ZNF385B: variants seen among roughly 807,000 people sequenced by gnomAD.
ZNF385B encodes the protein zinc finger protein 533.
A neutral mutation model predicts 39.2 loss-of-function variants in ZNF385B; 23 were observed. The ratio of observed to expected loss-of-function variants is 0.59; its 90% CI spans 0.42 to 0.83. ZNF385B has a LOEUF of 0.83. Among genes scored for constraint, ZNF385B ranks in the 40% least tolerant of loss-of-function variants. ZNF385B has a pLI of 0.00. For synonymous variants in ZNF385B, 205 were observed against 222.6 expected (o/e 0.92, Z 0.70); for missense variants, 552 against 598.9 (o/e 0.92, Z 0.82).
chr2:179,443,268 G>A lies in ZNF385B; in HGVS notation c.1443C>T (p.Ile481=). ...HGPIRATPAS[I]LFAPY ...GCAGACGTTAGTACGGAGCAAAGAG[G>A]ATGGAGGCAGGAGTGGCGCGGATGG... The change falls in exon 10 of 10, where the codon ATC becomes ATT. Residue 481 remains isoleucine, a synonymous_variant. Coordinates refer to ENST00000410066, the MANE Select transcript of ZNF385B (RefSeq NM_152520.6). 6.2e-7 allele frequency: 1 copy of A among 1,612,462 alleles called. No homozygotes were observed. The highest frequency in any genetic ancestry group is 1.1e-5 in the South Asian group (1 of 91,012).
At chr2:179,712,050 T>C (rs1161657849) in intron 3 of ZNF385B, among the ~76,000 whole-genome samples, 3 of 152,132 alleles carry the variant, frequency 2.0e-5, no homozygotes, top group African/African-American at 4.8e-5. Flanking sequence ...TTGAAGTCAA[T>C]AGGTTCTGGC....
Position 179,445,644 on chromosome 2 carries a change from A to G in ZNF385B, c.1046T>C (p.Met349Thr). Residue 349 changes from methionine to threonine, a missense_variant, in exon 8 of 10, where the codon ATG (methionine) becomes ACG (threonine). Transcript: ENST00000410066. ...TCCTGACCCCTTACTGCCATTCTGC[A>G]TCTTTAATCTTGATCCAGGTCTAGG... The part of the protein sequence containing the change: ...SYPRPGSRLK[M>T]QNGSKGSGLQ... 6.2e-7 allele frequency: 1 copy of G among 1,614,122 alleles called. No homozygotes were observed. The highest frequency in any genetic ancestry group is 8.5e-7 in the Non-Finnish European group (1 of 1,179,990).
intron 3 of ZNF385B, among the ~76,000 whole-genome samples, chr2:179,654,096 G>A (rs1385785201): frequency 3.3e-5 from 5 of 152,096 alleles, no homozygotes; most frequent in African/African-American, 1.2e-4. Context: ...ATGGATTTAG[G>A]ATCATTCTCC....
intron 3 of ZNF385B, among the ~76,000 whole-genome samples, chr2:179,716,578 C>T (rs899515332): frequency 2.0e-5 from 3 of 152,122 alleles, no homozygotes; most frequent in Non-Finnish European, 4.4e-5. Context: ...TATCTTGTCC[C>T]TTTTATTCCA....
rs115352521 is a variant in ZNF385B, at chr2:179,832,527, G to T, written c.-155+28574C>A. On this transcript the variant is annotated intron_variant, in intron 1 of 9. Coordinates refer to ENST00000410066, the MANE Select transcript of ZNF385B (RefSeq NM_152520.6). The stretch of plus-strand genomic sequence containing the variant: ...AATTATTAGGTTTTAGGAAAGGAAA[G>T]GGCACTATTCTAGGCATCTTGCCTT... 3.0e-3 allele frequency among the ~76,000 whole-genome samples: 458 copies of T among 152,258 alleles called. 1 individual carries two copies. The highest frequency in any genetic ancestry group is 5.2e-3 in the Non-Finnish European group (351 of 68,012).
At chr2:179,652,608 T>C (rs375152150) in intron 3 of ZNF385B, among the ~76,000 whole-genome samples, 15 of 152,190 alleles carry the variant, frequency 9.9e-5, no homozygotes, top group African/African-American at 3.6e-4. Context: ...TGCTAGTCCC[T>C]TGCTCTTGAC....
At chr2:179,690,499 G>T (rs966276071) in intron 3 of ZNF385B, among the ~76,000 whole-genome samples, 3 of 152,152 alleles carry the variant, frequency 2.0e-5, no homozygotes, top group Non-Finnish European at 4.4e-5. Context: ...GTTGGAAAAA[G>T]CCATGTATAA....
intron 3 of ZNF385B, among the ~76,000 whole-genome samples, chr2:179,570,689 T>C (rs927066732): frequency 2.0e-5 from 3 of 152,246 alleles, no homozygotes; most frequent in African/African-American, 4.8e-5. Flanking sequence ...ATCCTCAACA[T>C]ATTCCATTTT....
intron 3 of ZNF385B, among the ~76,000 whole-genome samples, chr2:179,567,317 A>C (rs548829876): frequency 6.6e-6 from 1 of 152,286 alleles, no homozygotes; most frequent in East Asian, 1.9e-4. Context: ...GCAAACCTAG[A>C]AACAAGCTAT....
At chr2:179,676,453 T>A (rs1428557770) in intron 3 of ZNF385B, among the ~76,000 whole-genome samples, 5 of 151,762 alleles carry the variant, frequency 3.3e-5, no homozygotes. Context: ...CTCGATCTCC[T>A]GACCTCGTAA....
intron 3 of ZNF385B, among the ~76,000 whole-genome samples, chr2:179,759,466 T>C (rs562532987): frequency 6.6e-6 from 1 of 152,308 alleles, no homozygotes; most frequent in South Asian, 2.1e-4. Context: ...CAGAAAACCC[T>C]TTTTCCTGTT....
intron 1 of ZNF385B, among the ~76,000 whole-genome samples, chr2:179,812,338 C>T (rs1384340184): frequency 6.6e-6 from 1 of 152,184 alleles, no homozygotes; most frequent in Non-Finnish European, 1.5e-5. Context: ...CACTGATGTA[C>T]TCACATGTTC....
intron 1 of ZNF385B, among the ~76,000 whole-genome samples, chr2:179,792,306 G>A (rs1376557847): frequency 6.6e-6 from 1 of 151,196 alleles, no homozygotes; most frequent in African/African-American, 2.4e-5. Flanking sequence ...TTTTCTGAGT[G>A]ATTGATACCA....
chr2:179,671,231 C>T (rs767751813), intron 3 of ZNF385B, among the ~76,000 whole-genome samples: 5 of 152,186 alleles, frequency 3.3e-5, no homozygotes, highest in Non-Finnish European at 7.3e-5. Flanking sequence ...TTCTTATGCT[C>T]CTCCCGCTTG....
chr2:179,804,984 T>C (rs2106558757), intron 1 of ZNF385B, among the ~76,000 whole-genome samples: 1 of 152,284 alleles, frequency 6.6e-6, no homozygotes, highest in Admixed American at 6.5e-5. Context: ...TTCAATATAC[T>C]CATGACACTC....
At chr2:179,620,674 CTACTT>C (rs1251884973) in intron 3 of ZNF385B, among the ~76,000 whole-genome samples, 4 of 152,100 alleles carry the variant, frequency 2.6e-5, no homozygotes, top group Admixed American at 1.3e-4. Context: ...AATTTACTAA[CTACTT>C]TAATGTGAGT....
chr2:179,733,292 C>T (rs1292694292), intron 3 of ZNF385B, among the ~76,000 whole-genome samples: 1 of 152,186 alleles, frequency 6.6e-6, no homozygotes, highest in Non-Finnish European at 1.5e-5. Flanking sequence ...GGGATGACTT[C>T]TCCTCTATAT....
At chr2:179,824,666 T>C (rs1358445842) in intron 1 of ZNF385B, among the ~76,000 whole-genome samples, 2 of 152,196 alleles carry the variant, frequency 1.3e-5, no homozygotes, top group Admixed American at 1.3e-4. Flanking sequence ...TGTTTAATTT[T>C]GTTTTTGTTT....
At chr2:179,532,137 C>G (rs893703399) in intron 4 of ZNF385B, among the ~76,000 whole-genome samples, 1 of 152,152 alleles carries the variant, frequency 6.6e-6, no homozygotes. Flanking sequence ...ATTATTCTCA[C>G]GTGACTGCAA....
Sources: gnomAD v4.1 joint callset for allele counts (sites outside exome capture counted in the v4.1 genomes callset) on GRCh38, gnomAD v4.1.1 for gene constraint, MANE v1.5 for transcripts, NCBI Gene and HGNC (gene_info 2026-07-23, HGNC 2026-07-21) for gene names.